Variants in ZNF71 observed in about 807,000 individuals in gnomAD.
ZNF71 encodes the protein zinc finger protein 71, also known as endothelial zinc finger protein induced by tumor necrosis factor alpha.
In ZNF71, 3 loss-of-function variants were observed where a neutral mutation model predicts 6.7. The observed-to-expected ratio is 0.45, with a 90% CI of 0.20 to 1.16. The LOEUF (loss-of-function observed/expected upper bound fraction) is 1.16. Ranked by LOEUF, ZNF71 falls within the 50% of genes most tolerant of loss-of-function variation. The pLI is 0.25. For missense variants in ZNF71, 688 were observed against 728.6 expected (o/e 0.94, Z 0.64); for synonymous variants, 343 against 311.1 (o/e 1.10, Z -1.08).
rs148692002 is a variant in ZNF71, at chr19:56,618,601, G to C, written c.161-2667G>C. 6.6e-6 allele frequency among the ~76,000 whole-genome samples: 1 copy of C among 152,174 alleles called. No homozygotes were observed. Among genetic ancestry groups the C allele is most frequent in the African/African-American group, 2.4e-5 (1 of 41,446 alleles). ...GGGCAGGAGGACCTTCCTTCCTTAC[G>C]TAGGGTGGATTGGGAAGGCTCCCGT... is the stretch of plus-strand genomic sequence containing the variant. On this transcript the variant is annotated intron_variant, in intron 3 of 3. Transcript: ENST00000599599. The surrounding 1 kb of genome is among the most constrained non-coding windows in gnomAD (Gnocchi z 4.6).
At chr19:56,600,096 GT>G (rs1162051204) in intron 1 of ZNF71, among the ~76,000 whole-genome samples, 69 of 101,098 alleles carry the variant, frequency 6.8e-4, no homozygotes, top group African/African-American at 2.5e-3. Context: ...TTTGGGGTTT[GT>G]TTTTTTTTTT....
intron 3 of ZNF71, among the ~76,000 whole-genome samples, chr19:56,617,142 GCT>G (rs2044802022): frequency 2.2e-5 from 3 of 134,942 alleles, no homozygotes; most frequent in African/African-American, 9.0e-5. Context: ...AGACAGTCTT[GCT>G]CTGTTGCCCA....
At position 56,622,393 on chromosome 19, in the gene ZNF71, T is replaced by A; in HGVS notation, c.1286T>A (p.Leu429His). Reference sequence around the variant, plus strand: ...AAGGCCTTCAGCAAGAACTCCTCGCTCACGCAGCACCAGCGCATCCACACC... The same window carrying A: ...AAGGCCTTCAGCAAGAACTCCTCGCACACGCAGCACCAGCGCATCCACACC... ...CGKAFSKNSS[L>H]TQHQRIHTGE... The change falls in exon 4 of 4, where the codon CTC becomes CAC. Residue 429 changes from leucine (L) to histidine (H), a missense_variant. By Grantham distance (99) the Leu-to-His change is moderately conservative (BLOSUM62 -3). Transcript: ENST00000599599. 1 of 1,613,894 alleles carries A rather than the reference T, an allele frequency of 6.2e-7. No homozygotes were observed. Among genetic ancestry groups the A allele is most frequent in the Non-Finnish European group, 8.5e-7 (1 of 1,179,936 alleles).
At chr19:56,595,983 A>AGTGTGT (rs146382110) in intron 1 of ZNF71, among the ~76,000 whole-genome samples, 5 of 138,284 alleles carry the variant, frequency 3.6e-5, no homozygotes, top group East Asian at 2.1e-4. Flanking sequence ...CATGTGTGGT[A>AGTGTGT]GCGTGTGTGT....
chr19:56,614,001 TA>T (rs35452706), intron 3 of ZNF71, 63 bp downstream of exon 3: 354,345 of 853,944 alleles, frequency 0.41, 27,768 homozygotes, highest in Non-Finnish European at 0.44. Flanking sequence ...ACAAATAAAT[TA>T]AAAAAAAAAA....
intron 1 of ZNF71, among the ~76,000 whole-genome samples, chr19:56,599,422 G>C (rs2044649948): frequency 6.6e-6 from 1 of 152,114 alleles, no homozygotes; most frequent in Admixed American, 6.5e-5. Flanking sequence ...TGTAAGAAGG[G>C]AAACAAACTT....
Position 56,621,745 on chromosome 19 carries a change from C to A in ZNF71, c.638C>A (p.Thr213Lys). The A allele has an allele frequency of 6.2e-7, 1 of 1,613,994 alleles. No homozygotes were observed. The highest frequency in any genetic ancestry group is 8.5e-7 in the Non-Finnish European group (1 of 1,180,022). The stretch of plus-strand genomic sequence containing the variant: ...CTGATAAAGCACCAAAGGATCCACA[C>A]GGGAGAAAAGCCGTTTGAGTGTGAC... ...SSLIKHQRIH[T>K]GEKPFECDTC... Residue 213 changes from threonine (T) to lysine (K), a missense_variant, in exon 4 of 4, where the codon ACG becomes AAG. Transcript: ENST00000599599.
In ZNF71 at chr19:56,622,763, T is replaced by G; in HGVS notation, c.*6T>G. 6.3e-7 allele frequency: 1 copy of G among 1,589,772 alleles called. No homozygotes were observed. Among genetic ancestry groups the G allele is most frequent in the Non-Finnish European group, 8.6e-7 (1 of 1,166,604 alleles). On this transcript the variant is annotated 3_prime_UTR_variant, in exon 4 of 4. Transcript: ENST00000599599. Reference sequence around the variant, plus strand: ...ACCTGCGGATTCACACCTGAGCGCCTCTGTGCAGGGCTCTCACTGGCGGTG... The same window carrying G: ...ACCTGCGGATTCACACCTGAGCGCCGCTGTGCAGGGCTCTCACTGGCGGTG...
Position 56,595,346 on chromosome 19 carries a change from C to T in ZNF71, c.-135C>T, listed in dbSNP as rs1457284594. 1 of 152,552 alleles carries T rather than the reference C, an allele frequency of 6.6e-6. No homozygotes were observed. Among genetic ancestry groups the T allele is most frequent in the Admixed American group, 6.5e-5 (1 of 15,286 alleles). 9.4% of individuals were successfully genotyped at this position (152,552 alleles called of 1,614,324 possible). On this transcript the variant is annotated 5_prime_UTR_variant, in exon 1 of 4. Transcript: ENST00000599599. ...GAGCCGGTGAGTGTGGCTGCGGGGT[C>T]GCGCCCACCCTCTACCTGTGCCGGG... is the stretch of plus-strand genomic sequence containing the variant.
chr19:56,615,540 C>G (rs2044783928), intron 3 of ZNF71, among the ~76,000 whole-genome samples: 1 of 136,446 alleles, frequency 7.3e-6, no homozygotes, highest in South Asian at 2.6e-4. Flanking sequence ...GGTAAAGTAT[C>G]TGTTCAAGTC....
In ZNF71 at chr19:56,621,927, T is replaced by C. The variant is rs1221597190; in HGVS notation, c.820T>C (p.Tyr274His). ...HQRTHTGEKP[Y>H]VCDVCGKAFR... ...GCGCACGCACACGGGCGAGAAGCCG[T>C]ATGTGTGCGACGTGTGTGGCAAGGC... Residue 274 changes from tyrosine (Y) to histidine (H), a missense_variant, in exon 4 of 4, where the codon TAT becomes CAT. Coordinates refer to ENST00000599599, the MANE Select transcript of ZNF71 (RefSeq NM_001370215.1). The C allele has an allele frequency of 5.0e-6, 8 of 1,613,138 alleles. No individual in the cohort carries two copies. The highest frequency in any genetic ancestry group is 6.8e-6 in the Non-Finnish European group (8 of 1,179,828).
At chr19:56,607,220 C>T (rs2044716721) in intron 2 of ZNF71, among the ~76,000 whole-genome samples, 1 of 152,148 alleles carries the variant, frequency 6.6e-6, no homozygotes, top group South Asian at 2.1e-4. Context: ...CCTGCATTTT[C>T]CTTGCTTGGG....
At chr19:56,605,647 C>T (rs2044705249) in intron 2 of ZNF71, among the ~76,000 whole-genome samples, 1 of 152,172 alleles carries the variant, frequency 6.6e-6, no homozygotes, top group South Asian at 2.1e-4. Flanking sequence ...CAGAGTCATG[C>T]ATGGATGATG....
rs142255107 is a variant in ZNF71, at chr19:56,595,853, T to TG, written c.-53+425_-53+426insG. On this transcript the variant is annotated intron_variant, in intron 1 of 3. Coordinates refer to ENST00000599599, the MANE Select transcript of ZNF71 (RefSeq NM_001370215.1). ...GGATATTGTGATTGTGTGTGTGTGT[T>TG]TGTGTGTGTGTGTGTGTGTGTGTGT... Among the ~76,000 whole-genome samples the TG allele has an allele frequency of 5.7e-4, 78 of 137,602 alleles. 1 individual carries two copies. Among genetic ancestry groups the TG allele is most frequent in the South Asian group, 7.4e-4 (3 of 4,034 alleles). 90.3% of individuals were successfully genotyped at this position (137,602 alleles called of 152,430 possible).
intron 2 of ZNF71, among the ~76,000 whole-genome samples, chr19:56,608,066 A>G (rs11673097): frequency 0.79 from 120,015 of 152,178 alleles, 48,245 homozygotes; most frequent in East Asian, 1. Flanking sequence ...GACCAAAGCT[A>G]TGATCTTTAT....
At chr19:56,620,614 C>T (rs1392730403) in intron 3 of ZNF71, among the ~76,000 whole-genome samples, 2 of 151,972 alleles carry the variant, frequency 1.3e-5, no homozygotes, top group Non-Finnish European at 2.9e-5. Flanking sequence ...TCACTGCAAC[C>T]TCGAATTCCT....
rs373155014 is a variant in ZNF71, at chr19:56,621,998, G to T, written c.891G>T (p.Thr297=). The change falls in exon 4 of 4, where the codon ACG becomes ACT. Residue 297 remains threonine (T), a synonymous_variant. Transcript: ENST00000599599. The stretch of plus-strand genomic sequence containing the variant: ...TCACCCAGCACGAGCGGATCCACAC[G>T]GGGGAGAAGCCCTACGCGTGCGGGG... ...SSLTQHERIH[T]GEKPYACGDC... The T allele has an allele frequency of 3.9e-5, 63 of 1,605,310 alleles. No homozygotes were observed. The Middle Eastern group carries it at 6.6e-4, about 17-fold the overall frequency.
rs1018822717 is a variant in ZNF71 at position 56,595,381 on chromosome 19, C to G, written c.-100C>G. On this transcript the variant is annotated 5_prime_UTR_variant, in exon 1 of 4. Transcript: ENST00000599599. ...CTCTACCTGTGCCGGGGGCCGGAAC[C>G]TGGCCCCGGGGAGGGCGCGGCCTCG... 1 of 153,102 alleles carries G rather than the reference C, an allele frequency of 6.5e-6. No homozygotes were observed. The highest frequency in any genetic ancestry group is 2.4e-5 in the African/African-American group (1 of 41,482). 9.5% of individuals were successfully genotyped at this position (153,102 alleles called of 1,614,324 possible).
intron 2 of ZNF71, among the ~76,000 whole-genome samples, chr19:56,602,379 C>T: frequency 6.6e-6 from 1 of 152,188 alleles, no homozygotes; most frequent in East Asian, 1.9e-4. Context: ...ATTATTTCCA[C>T]ATCAGTTACG....
Sources: gnomAD v4.1 joint callset for allele counts (sites outside exome capture counted in the v4.1 genomes callset) on GRCh38, gnomAD v4.1.1 for gene constraint, Gnocchi (gnomAD v3.1) non-coding constraint, MANE v1.5 for transcripts, NCBI Gene and HGNC (gene_info 2026-07-23, HGNC 2026-07-21) for gene names.